The following SP1 variants were observed in gnomAD, a reference collection of about 807,000 sequenced individuals.
SP1 encodes transcription factor Sp1.
In SP1, 6 loss-of-function variants were observed where a neutral mutation model predicts 66.3. The observed-to-expected ratio is 0.09, with a 90% CI of 0.05 to 0.18. The LOEUF (loss-of-function observed/expected upper bound fraction) is 0.18, where lower values mean the gene tolerates loss of function less well. SP1 is among the 10% of genes least tolerant of loss of function. The probability of loss-of-function intolerance (pLI) is 1.00; values close to 1 mark genes in which losing one functional copy is unlikely to be tolerated. For synonymous variants in SP1, 417 were observed against 360.8 expected (o/e 1.16, Z -1.77); for missense variants, 848 against 964.5 (o/e 0.88, Z 1.60).
At chr12:53,389,216 C>CTTT (rs71443297) in intron 3 of SP1, among the ~76,000 whole-genome samples, 13,835 of 106,124 alleles carry the variant, frequency 0.13, 715 homozygotes, top group Non-Finnish European at 0.15. Flanking sequence ...TTAAAATGAT[C>CTTT]TTTTTTTTTT....
intron 3 of SP1, among the ~76,000 whole-genome samples, chr12:53,405,678 GAA>G (rs1057352444): frequency 2.1e-5 from 3 of 145,420 alleles, no homozygotes; most frequent in African/African-American, 5.3e-5. Context: ...AGAAAGGAAA[GAA>G]AAGAGAGAGA....
intron 3 of SP1, among the ~76,000 whole-genome samples, chr12:53,404,426 C>T (rs1938682078): frequency 1.3e-5 from 2 of 151,276 alleles, no homozygotes; most frequent in Non-Finnish European, 2.9e-5. Flanking sequence ...CCTGTAATCC[C>T]AGCTACTCAG....
chr12:53,384,842 G>A (rs938750362), intron 3 of SP1, among the ~76,000 whole-genome samples: 2 of 151,992 alleles, frequency 1.3e-5, no homozygotes, highest in African/African-American at 4.8e-5. Context: ...AAAATTGGCC[G>A]GGTGTGGTGG....
intron 3 of SP1, among the ~76,000 whole-genome samples, chr12:53,383,986 T>C (rs78885226): frequency 6.6e-6 from 1 of 151,172 alleles, no homozygotes. Flanking sequence ...TTTTTTTTTT[T>C]TGAGACAGAG....
At chr12:53,409,965 G>C (rs1015007072) in intron 5 of SP1, among the ~76,000 whole-genome samples, 2 of 151,844 alleles carry the variant, frequency 1.3e-5, no homozygotes, top group African/African-American at 2.4e-5. Flanking sequence ...AGCCAAGATC[G>C]TGCCACTGCA....
chr12:53,403,538 G>A (rs1422752818), intron 3 of SP1, among the ~76,000 whole-genome samples: 1 of 147,628 alleles, frequency 6.8e-6, no homozygotes, highest in Non-Finnish European at 1.5e-5. Flanking sequence ...TTTTTTTGTA[G>A]AGATGAGGTC....
intron 3 of SP1, among the ~76,000 whole-genome samples, chr12:53,386,940 GT>G (rs34093285): frequency 0.05 from 6,117 of 123,326 alleles, 120 homozygotes; most frequent in African/African-American, 0.071. Context: ...TTCTAGGTTT[GT>G]TTTTTTTTTT....
intron 3 of SP1, among the ~76,000 whole-genome samples, chr12:53,385,549 C>A (rs1359309006): frequency 6.6e-6 from 1 of 150,386 alleles, no homozygotes; most frequent in Non-Finnish European, 1.5e-5. Context: ...GAGCCGAGAT[C>A]GCGCCACTGC....
chr12:53,410,523 T>G (rs12817984), intron 5 of SP1, among the ~76,000 whole-genome samples: 27,718 of 151,854 alleles, frequency 0.18, 2,639 homozygotes, highest in African/African-American at 0.21. Context: ...TTTGTTTTTT[T>G]TTTGAGACAG....
chr12:53,406,387 G>A (rs528825499), intron 3 of SP1, among the ~76,000 whole-genome samples, 198 bp from the exon 4 acceptor site: 44 of 152,124 alleles, frequency 2.9e-4, no homozygotes, highest in African/African-American at 9.9e-4. Context: ...TATTTTCAAT[G>A]ATGATTCTTG....
chr12:53,408,919 GA>G (rs1462625389), intron 4 of SP1, among the ~76,000 whole-genome samples: 1 of 140,012 alleles, frequency 7.1e-6, no homozygotes, highest in Non-Finnish European at 1.5e-5. Context: ...ACAAACAAAC[GA>G]ACAAAAAAAA....
intron 4 of SP1, among the ~76,000 whole-genome samples, chr12:53,407,897 A>G (rs1368452205): frequency 1.4e-5 from 2 of 146,784 alleles, no homozygotes; most frequent in East Asian, 4.2e-4. Context: ...TGGCCTCCCA[A>G]AGTGCTGGGA....
intron 3 of SP1, among the ~76,000 whole-genome samples, chr12:53,391,774 C>T (rs949256369): frequency 1.3e-5 from 2 of 151,204 alleles, no homozygotes; most frequent in Admixed American, 6.7e-5. Context: ...TAGTAGTCCC[C>T]GGTGTCTATT....
At chr12:53,410,857 A>G in intron 5 of SP1, 70 bp from the exon 6 acceptor site, 1 of 1,091,524 alleles carries the variant, frequency 9.2e-7, no homozygotes, top group Non-Finnish European at 1.4e-6. Flanking sequence ...TAGTAGAGTA[A>G]GCACTGAATT....
Position 53,381,726 on chromosome 12 carries a change from TGGG to T in SP1, c.78_80del (p.Gly27del). 1 of 1,614,040 alleles carries T rather than the reference TGGG, an allele frequency of 6.2e-7. No individual in the cohort carries two copies. Among genetic ancestry groups the T allele is most frequent in the Non-Finnish European group, 8.5e-7 (1 of 1,179,966 alleles). On this transcript the variant is annotated inframe_deletion, in exon 2 of 6. Transcript: ENST00000327443. ...TTGAAAAAGGAGTTGGTGGCAATAA[TGGG>T]GGCAATGGTAATGGTGGTGGTGCCT...
rs1938154984 is a variant in SP1 at position 53,383,432 on chromosome 12, C to T, written c.1485C>T (p.Thr495=). 1 of 1,614,182 alleles carries T rather than the reference C, an allele frequency of 6.2e-7. No individual in the cohort carries two copies. Among genetic ancestry groups the T allele is most frequent in the Non-Finnish European group, 8.5e-7 (1 of 1,180,014 alleles). ...TGCAGGGTGTTTCCTTGGGGCAGAC[C>T]AGCAGCAGCAACACCACTCTCACAC... ...APMQGVSLGQ[T]SSSNTTLTPI... Residue 495 remains threonine, a synonymous_variant, in exon 3 of 6, where the codon ACC becomes ACT. Coordinates refer to ENST00000327443, the MANE Select transcript of SP1 (RefSeq NM_138473.3).
At position 53,382,696 on chromosome 12, in the gene SP1, C is replaced by A. The variant is rs762512378; in HGVS notation, c.749C>A (p.Thr250Asn). 1 of 1,614,074 alleles carries A rather than the reference C, an allele frequency of 6.2e-7. No homozygotes were observed. Among genetic ancestry groups the A allele is most frequent in the African/African-American group, 1.3e-5 (1 of 74,936 alleles). The change falls in exon 3 of 6, where the codon ACT becomes AAT. Residue 250 changes from threonine (T) to asparagine (N), a missense_variant. This residue lies in a region of SP1 where 606 missense variants were observed against 589.9 expected (regional missense o/e 1.03). Coordinates refer to ENST00000327443, the MANE Select transcript of SP1 (RefSeq NM_138473.3). ...GCTAATAATGTACTCTCAGGACAGACTCAGTATGTGACCAATGTACCAGTG... is the reference window on the plus strand; with the variant it reads ...GCTAATAATGTACTCTCAGGACAGAATCAGTATGTGACCAATGTACCAGTG... ...GLANNVLSGQTQYVTNVPVAL... is the reference protein window; with the variant it reads ...GLANNVLSGQNQYVTNVPVAL...
At chr12:53,401,459 A>T (rs191020245) in intron 3 of SP1, among the ~76,000 whole-genome samples, 2 of 101,770 alleles carry the variant, frequency 2.0e-5, no homozygotes, top group Non-Finnish European at 4.2e-5. Context: ...CTATCTGGGA[A>T]AAAAAAAAAA....
At chr12:53,390,697 T>C (rs936286683) in intron 3 of SP1, among the ~76,000 whole-genome samples, 7 of 152,006 alleles carry the variant, frequency 4.6e-5, no homozygotes, top group African/African-American at 1.7e-4. Context: ...AAAAAAAATC[T>C]AAGTGCTTTG....
Sources: gnomAD v4.1 joint callset for allele counts (sites outside exome capture counted in the v4.1 genomes callset) on GRCh38, gnomAD v4.1.1 for gene constraint, gnomAD v4.1.1 regional missense constraint, MANE v1.5 for transcripts, NCBI Gene and HGNC (gene_info 2026-07-23, HGNC 2026-07-21) for gene names.